Variants in QTMAN observed in about 807,000 individuals in gnomAD.
The protein encoded by QTMAN is tRNA-queuosine alpha-mannosyltransferase.
At chr2:144,271,178 T>C in the QTMAN span, among the ~76,000 whole-genome samples, 1 of 152,236 alleles carries the variant, frequency 6.6e-6, no homozygotes, top group Non-Finnish European at 1.5e-5. Flanking sequence ...GATTTCTTTA[T>C]GTTTTTAAGC....
the QTMAN span, among the ~76,000 whole-genome samples, chr2:144,240,249 C>A: frequency 3.9e-3 from 595 of 152,222 alleles, 2 homozygotes; most frequent in Middle Eastern, 0.01. Context: ...CAATGATAAC[C>A]TTAAACATTT....
the QTMAN span, among the ~76,000 whole-genome samples, chr2:143,971,576 TGA>T: frequency 6.6e-6 from 1 of 152,114 alleles, no homozygotes; most frequent in Non-Finnish European, 1.5e-5. Flanking sequence ...CAAAATGAAA[TGA>T]GTTTTTTTTA....
At chr2:144,273,074 T>C in the QTMAN span, among the ~76,000 whole-genome samples, 1 of 152,154 alleles carries the variant, frequency 6.6e-6, no homozygotes, top group African/African-American at 2.4e-5. Context: ...AATAAATTGA[T>C]AAATAATCCA....
the QTMAN span, among the ~76,000 whole-genome samples, chr2:144,295,606 TTTTTTG>T: frequency 2.0e-5 from 3 of 151,996 alleles, no homozygotes; most frequent in East Asian, 1.9e-4. Context: ...CCAAGGCAGC[TTTTTTG>T]TTTTTGTTTT....
the QTMAN span, among the ~76,000 whole-genome samples, chr2:144,244,494 G>A: frequency 2.6e-5 from 4 of 152,174 alleles, no homozygotes; most frequent in Admixed American, 2.0e-4. Context: ...TTAGCACTAA[G>A]GAGAAACAAC....
the QTMAN span, among the ~76,000 whole-genome samples, chr2:144,225,760 C>T: frequency 6.6e-6 from 1 of 152,292 alleles, no homozygotes; most frequent in African/African-American, 2.4e-5. Context: ...TTCAGCTAGT[C>T]GGAAGTAATT....
chr2:144,277,716 T>C, the QTMAN span, among the ~76,000 whole-genome samples: 1 of 152,160 alleles, frequency 6.6e-6, no homozygotes, highest in Non-Finnish European at 1.5e-5. Flanking sequence ...ACATTTTCCC[T>C]TTCCTCTCTT....
At chr2:144,252,413 G>C in the QTMAN span, among the ~76,000 whole-genome samples, 35 of 152,108 alleles carry the variant, frequency 2.3e-4, no homozygotes, top group South Asian at 1.0e-3. Context: ...AAAAAGTAAG[G>C]GGGGGCAAAA....
the QTMAN span, among the ~76,000 whole-genome samples, chr2:144,072,289 A>AT: frequency 2.0e-5 from 3 of 152,108 alleles, no homozygotes; most frequent in Non-Finnish European, 4.4e-5. Context: ...TATATCTCTA[A>AT]TTTTTTTGGT....
At chr2:144,249,111 G>C in the QTMAN span, among the ~76,000 whole-genome samples, 1 of 152,134 alleles carries the variant, frequency 6.6e-6, no homozygotes, top group Non-Finnish European at 1.5e-5. Flanking sequence ...TAAATGTTTA[G>C]TGGAGCAAAC....
At chr2:144,222,340 T>A in the QTMAN span, among the ~76,000 whole-genome samples, 5 of 151,036 alleles carry the variant, frequency 3.3e-5, no homozygotes, top group Non-Finnish European at 5.9e-5. Context: ...ATTACAGGCA[T>A]GAGCCACCAC....
At chr2:144,152,295 T>C in the QTMAN span, among the ~76,000 whole-genome samples, 26 of 152,336 alleles carry the variant, frequency 1.7e-4, no homozygotes, top group African/African-American at 6.3e-4. Context: ...TTTCTTAACA[T>C]CTATCCTTGC....
the QTMAN span, among the ~76,000 whole-genome samples, chr2:144,166,493 C>T: frequency 6.6e-6 from 1 of 152,156 alleles, no homozygotes; most frequent in Admixed American, 6.5e-5. Context: ...CTTTGTAACC[C>T]CAATACCTGG....
chr2:144,022,048 G>C, the QTMAN span, among the ~76,000 whole-genome samples: 2 of 152,242 alleles, frequency 1.3e-5, no homozygotes, highest in Middle Eastern at 3.4e-3. Context: ...AGGGAGGACT[G>C]AGGAAGAAGA....
chr2:144,129,189 G>T, the QTMAN span, among the ~76,000 whole-genome samples: 1 of 151,856 alleles, frequency 6.6e-6, no homozygotes, highest in Non-Finnish European at 1.5e-5. Context: ...TCTGCTCAAG[G>T]TGTCAGTAGT....
the QTMAN span, among the ~76,000 whole-genome samples, chr2:144,329,923 T>C: frequency 1.3e-5 from 2 of 152,330 alleles, no homozygotes; most frequent in East Asian, 1.9e-4. Flanking sequence ...GAGTAGGACA[T>C]AGCCGAACTT....
chr2:143,995,738 T>C, the QTMAN span, among the ~76,000 whole-genome samples: 1 of 152,176 alleles, frequency 6.6e-6, no homozygotes, highest in African/African-American at 2.4e-5. Context: ...AAATATATTT[T>C]AAACCTGTTT....
At chr2:144,312,325 C>T in the QTMAN span, among the ~76,000 whole-genome samples, 1 of 151,918 alleles carries the variant, frequency 6.6e-6, no homozygotes, top group Admixed American at 6.6e-5. Flanking sequence ...GCCACTACAC[C>T]CAGCTGGGAA....
At chr2:144,278,526 G>T in the QTMAN span, among the ~76,000 whole-genome samples, 1 of 151,298 alleles carries the variant, frequency 6.6e-6, no homozygotes, top group Non-Finnish European at 1.5e-5. Flanking sequence ...ATCCATCAAA[G>T]TGAGTGTTTT....
Sources: allele counts gnomAD v4.1 joint callset (sites outside exome capture counted in the v4.1 genomes callset), GRCh38; gene constraint gnomAD v4.1.1; transcripts MANE v1.5; gene names NCBI Gene and HGNC (gene_info 2026-07-23, HGNC 2026-07-21).